Variants in PTPRM observed in about 807,000 individuals in gnomAD.
PTPRM encodes the protein receptor-type tyrosine-protein phosphatase mu.
A neutral mutation model predicts 186.7 loss-of-function variants in PTPRM; 47 were observed. The observed-to-expected ratio is 0.25, with a 90% CI of 0.20 to 0.32. The LOEUF (loss-of-function observed/expected upper bound fraction) is 0.32. Ranked by LOEUF, PTPRM falls within the 10% of genes least tolerant of loss-of-function variation. The pLI is 1.00. For missense variants in PTPRM, 1,494 were observed against 1,865.0 expected (o/e 0.80, Z 3.66); for synonymous variants, 668 against 674.9 (o/e 0.99, Z 0.16).
intron 29 of PTPRM, among the ~76,000 whole-genome samples, chr18:8,381,131 A>G (rs2095732367): frequency 6.6e-6 from 1 of 152,186 alleles, no homozygotes; most frequent in Non-Finnish European, 1.5e-5. Context: ...TGATGACTCA[A>G]TGTTAGTAAT....
At chr18:8,241,835 G>T (rs1034758906) in intron 14 of PTPRM, among the ~76,000 whole-genome samples, 1 of 152,188 alleles carries the variant, frequency 6.6e-6, no homozygotes, top group Non-Finnish European at 1.5e-5. Flanking sequence ...CAGACATACA[G>T]TATGTCCTAT....
intron 14 of PTPRM, among the ~76,000 whole-genome samples, chr18:8,191,448 A>G (rs1305215430): frequency 6.6e-6 from 1 of 152,196 alleles, no homozygotes; most frequent in Non-Finnish European, 1.5e-5. Context: ...GAAAGATGCC[A>G]GCTAATAAAT....
At chr18:7,796,262 G>T (rs1598754940) in intron 2 of PTPRM, among the ~76,000 whole-genome samples, 1 of 152,064 alleles carries the variant, frequency 6.6e-6, no homozygotes, top group Non-Finnish European at 1.5e-5. Flanking sequence ...GTGGATGGCA[G>T]GTGCCCCTTA....
intron 14 of PTPRM, among the ~76,000 whole-genome samples, chr18:8,214,357 G>C (rs1353824067): frequency 1.3e-5 from 2 of 152,150 alleles, no homozygotes; most frequent in East Asian, 3.8e-4. Flanking sequence ...TGTATCTATA[G>C]CAACATAGTG....
chr18:7,793,979 G>A (rs184618427), intron 2 of PTPRM, among the ~76,000 whole-genome samples: 1 of 152,298 alleles, frequency 6.6e-6, no homozygotes, highest in East Asian at 1.9e-4. Flanking sequence ...GCACGCCTTC[G>A]GCCTACGGAA....
At chr18:8,046,386 G>A (rs1440236987) in intron 7 of PTPRM, among the ~76,000 whole-genome samples, 2 of 152,186 alleles carry the variant, frequency 1.3e-5, no homozygotes, top group East Asian at 1.9e-4. Flanking sequence ...TGAAAGAGAA[G>A]ACAGTTATTT....
At chr18:7,916,481 C>G (rs989087900) in intron 4 of PTPRM, among the ~76,000 whole-genome samples, 55 of 152,066 alleles carry the variant, frequency 3.6e-4, no homozygotes, top group Non-Finnish European at 1.2e-4. Context: ...AGTTCTGGAG[C>G]CTGGAAGTCT....
chr18:7,758,302 G>C (rs2041605922), intron 1 of PTPRM, among the ~76,000 whole-genome samples: 1 of 152,198 alleles, frequency 6.6e-6, no homozygotes, highest in Non-Finnish European at 1.5e-5. Context: ...ACTGAGCTAA[G>C]ACAAAAGCTT....
intron 7 of PTPRM, among the ~76,000 whole-genome samples, chr18:7,977,048 C>T (rs2054999364): frequency 6.6e-6 from 1 of 151,846 alleles, no homozygotes; most frequent in Non-Finnish European, 1.5e-5. Flanking sequence ...CTCACCTTAG[C>T]TCCAGTTATA....
Position 7,567,669 on chromosome 18 carries a change from C to T in PTPRM, c.-150C>T. On this transcript the variant is annotated 5_prime_UTR_variant, in exon 1 of 33. Transcript: ENST00000580170. The surrounding 1 kb of genome is among the most constrained non-coding windows in gnomAD (Gnocchi z 4.3). ...CCTGGAGCCGCTGGAGTTCGGACTT[C>T]TGCAACTGTTGGCACTTTGGGGGCT... The T allele has an allele frequency of 1.6e-6, 1 of 641,284 alleles. No homozygotes were observed. The highest frequency in any genetic ancestry group is 2.4e-6 in the Non-Finnish European group (1 of 411,620). The allele number at this position is 641,284 out of a possible 1,614,324, so 39.7% of individuals were successfully genotyped here.
intron 2 of PTPRM, among the ~76,000 whole-genome samples, chr18:7,835,905 A>G (rs993071131): frequency 6.6e-6 from 1 of 151,892 alleles, no homozygotes; most frequent in Non-Finnish European, 1.5e-5. Context: ...TTGTGTCTCC[A>G]TAGAGCTCCT....
Position 7,568,875 on chromosome 18 carries a change from G to T in PTPRM, c.73+984G>T. On this transcript the variant is annotated intron_variant, in intron 1 of 32. Coordinates refer to ENST00000580170, the MANE Select transcript of PTPRM (RefSeq NM_001105244.2). The surrounding 1 kb of genome is among the most constrained non-coding windows in gnomAD (Gnocchi z 5.1). ...AACCAGGATGACCTTTATTACCTGG[G>T]TGACACAGGTGGATAGACGGCAAAT... 6.6e-6 allele frequency among the ~76,000 whole-genome samples: 1 copy of T among 152,164 alleles called. No homozygotes were observed. Among genetic ancestry groups the T allele is most frequent in the Non-Finnish European group, 1.5e-5 (1 of 68,042 alleles).
intron 2 of PTPRM, among the ~76,000 whole-genome samples, chr18:7,825,707 C>T (rs765549878): frequency 6.6e-6 from 1 of 152,156 alleles, no homozygotes; most frequent in Non-Finnish European, 1.5e-5. Flanking sequence ...AAGCACCACC[C>T]TAAGCCCCTC....
At chr18:8,278,221 A>G (rs1391726950) in intron 19 of PTPRM, among the ~76,000 whole-genome samples, 3 of 152,234 alleles carry the variant, frequency 2.0e-5, no homozygotes, top group East Asian at 3.8e-4. Flanking sequence ...AAGTTGCTTT[A>G]AAGTGTTTAT....
In PTPRM at chr18:8,049,887, A is replaced by G. The variant is rs1341682883; in HGVS notation, c.1133-19799A>G. On this transcript the variant is annotated intron_variant, in intron 7 of 32. Coordinates refer to ENST00000580170, the MANE Select transcript of PTPRM (RefSeq NM_001105244.2). ...CCGCCACACCCAGCTATTTTTTTGT[A>G]TTTTTAGTAGATACAGGGTTTCACT... is the stretch of plus-strand genomic sequence containing the variant. 3.3e-5 allele frequency among the ~76,000 whole-genome samples: 5 copies of G among 151,698 alleles called. No homozygotes were observed. The East Asian group carries it at 7.8e-4, about 24-fold the overall frequency.
At chr18:7,781,534 A>G (rs1019408252) in intron 2 of PTPRM, among the ~76,000 whole-genome samples, 23 of 152,242 alleles carry the variant, frequency 1.5e-4, no homozygotes, top group African/African-American at 5.1e-4. Context: ...GGCTTGGTAT[A>G]CAAATGATCC....
rs559814676 is a variant in PTPRM at position 8,368,414 on chromosome 18, T to C, written c.3055-2476T>C. On this transcript the variant is annotated intron_variant, in intron 23 of 32. Transcript: ENST00000580170. ...ATCCATGATGTAAATTTCTGAGATA[T>C]TATAGATAAGCCCTTTATAAAGTCA... Among the ~76,000 whole-genome samples, 44 of 152,228 alleles carry C rather than the reference T, an allele frequency of 2.9e-4. 1 individual carries two copies. In the South Asian group the frequency reaches 9.1e-3, roughly 32 times the overall value.
chr18:8,310,301 C>T (rs375578876), intron 20 of PTPRM, among the ~76,000 whole-genome samples: 296 of 151,808 alleles, frequency 1.9e-3, no homozygotes, highest in African/African-American at 6.8e-3. Flanking sequence ...CCTTCCAGTT[C>T]GTCCTCAACA....
chr18:7,855,465 C>G (rs2047052538), intron 2 of PTPRM, among the ~76,000 whole-genome samples: 1 of 152,198 alleles, frequency 6.6e-6, no homozygotes, highest in Admixed American at 6.5e-5. Flanking sequence ...AACATGCCAC[C>G]TACACAAAGA....
Sources: gnomAD v4.1 joint callset for allele counts (sites outside exome capture counted in the v4.1 genomes callset) on GRCh38, gnomAD v4.1.1 for gene constraint, Gnocchi (gnomAD v3.1) non-coding constraint, MANE v1.5 for transcripts, NCBI Gene and HGNC (gene_info 2026-07-23, HGNC 2026-07-21) for gene names.